Variants in NRXN2 observed in about 807,000 individuals in gnomAD.
NRXN2 encodes neurexin-2-beta.
Under a neutral mutation model 128.8 loss-of-function variants are expected in NRXN2, and 29 were observed. The ratio of observed to expected loss-of-function variants is 0.23; its 90% CI spans 0.17 to 0.31. The LOEUF (loss-of-function observed/expected upper bound fraction) is 0.31. Ranked by LOEUF, NRXN2 falls within the 10% of genes least tolerant of loss-of-function variation. The probability of loss-of-function intolerance (pLI) is 1.00; values close to 1 mark genes in which losing one functional copy is unlikely to be tolerated. For missense variants in NRXN2, 1,881 were observed against 2,452.6 expected (o/e 0.77, Z 4.92); for synonymous variants, 1,098 against 1,075.2 (o/e 1.02, Z -0.41).
At chr11:64,659,465 G>A (rs2048724668) in intron 11 of NRXN2, 1 of 152,332 alleles carries the variant, frequency 6.6e-6, no homozygotes, top group South Asian at 2.1e-4. Flanking sequence ...GGGACCACCA[G>A]GTGAAGTGGA....
At chr11:64,676,360 C>A (rs1565381125) in intron 7 of NRXN2, 1 of 153,152 alleles carries the variant, frequency 6.5e-6, no homozygotes, top group Non-Finnish European at 1.5e-5. Flanking sequence ...CTGCTATGAA[C>A]TGATGATTTG....
chr11:64,623,430 T>G lies in NRXN2; in HGVS notation c.3848-352A>C. 3 of 337,320 alleles carry G rather than the reference T, an allele frequency of 8.9e-6. No homozygotes were observed. The highest frequency in any genetic ancestry group is 6.6e-5 in the East Asian group (1 of 15,098). 20.9% of individuals were successfully genotyped at this position (337,320 alleles called of 1,614,324 possible). The stretch of plus-strand genomic sequence containing the variant: ...AAGGTCATCTCCCCTCTTCATCCTC[T>G]TCCCTCAGTCCATCCCCATCTTCTC... On this transcript the variant is annotated intron_variant, in intron 20 of 22. Transcript: ENST00000265459. The surrounding 1 kb of genome is among the most constrained non-coding windows in gnomAD (Gnocchi z 4.9).
chr11:64,617,867 G>A (rs113546705), intron 22 of NRXN2, among the ~76,000 whole-genome samples: 6 of 152,340 alleles, frequency 3.9e-5, no homozygotes, highest in Middle Eastern at 6.8e-3. Context: ...AAATGTGGAC[G>A]TGTAAGCATG....
At chr11:64,680,723 C>A (rs2052113575) in intron 6 of NRXN2, among the ~76,000 whole-genome samples, 1 of 152,116 alleles carries the variant, frequency 6.6e-6, no homozygotes, top group Non-Finnish European at 1.5e-5. Context: ...ACAGTGCAAT[C>A]TGAGAAACGC....
chr11:64,626,615 G>T, intron 19 of NRXN2, 63 bp from the exon 20 acceptor site: 5 of 1,202,850 alleles, frequency 4.2e-6, no homozygotes, highest in Non-Finnish European at 6.2e-6. Context: ...AGTTAGAAAA[G>T]TAATTATGCA....
At position 64,623,209 on chromosome 11, in the gene NRXN2, A is replaced by G; in HGVS notation, c.3848-131T>C. ...GAGAAAGCCAGTAAGGGAGGAGGGG[A>G]CGGGGAGAAATGAGGAAGGGGCAGA... On this transcript the variant is annotated intron_variant, in intron 20 of 22. Coordinates refer to ENST00000265459, the MANE Select transcript of NRXN2 (RefSeq NM_015080.4). This position sits in a 1 kb window ranked among gnomAD's most constrained non-coding sequence, Gnocchi z 4.9. The G allele has an allele frequency of 7.3e-7, 1 of 1,378,438 alleles. No homozygotes were observed. The highest frequency in any genetic ancestry group is 9.6e-7 in the Non-Finnish European group (1 of 1,039,460). The allele number at this position is 1,378,438 out of a possible 1,614,324, so 85.4% of individuals were successfully genotyped here. A position where few individuals can be genotyped will look rare whatever the true frequency, so the allele number is the denominator to read the frequency against.
Position 64,648,601 on chromosome 11 carries a change from G to T in NRXN2, c.3283+133C>A, listed in dbSNP as rs765146500. 3 of 1,261,784 alleles carry T rather than the reference G, an allele frequency of 2.4e-6. No homozygotes were observed. Among genetic ancestry groups the T allele is most frequent in the Admixed American group, 3.5e-5 (2 of 56,544 alleles). 78.2% of individuals were successfully genotyped at this position (1,261,784 alleles called of 1,614,324 possible). A position where few individuals can be genotyped will look rare whatever the true frequency, so the allele number is the denominator to read the frequency against. On this transcript the variant is annotated intron_variant, in intron 16 of 22. Coordinates refer to ENST00000265459, the MANE Select transcript of NRXN2 (RefSeq NM_015080.4). This position sits in a 1 kb window ranked among gnomAD's most constrained non-coding sequence, Gnocchi z 4.1. ...ACCTGTATCCCTGCCCCAGAACTGTGGGGGCAAGCTCCCATAAGGCCTGAG... is the reference window on the plus strand; with the variant it reads ...ACCTGTATCCCTGCCCCAGAACTGTTGGGGCAAGCTCCCATAAGGCCTGAG...
intron 7 of NRXN2, among the ~76,000 whole-genome samples, chr11:64,669,460 G>A (rs1013760147): frequency 2.6e-5 from 4 of 152,140 alleles, no homozygotes; most frequent in Non-Finnish European, 5.9e-5. Flanking sequence ...GGGAACAGAC[G>A]GGGACAGGGC....
chr11:64,713,696 C>G lies in NRXN2; in HGVS notation c.4G>C (p.Ala2Pro). 1 of 1,116,858 alleles carries G rather than the reference C, an allele frequency of 9.0e-7. No homozygotes were observed. Among genetic ancestry groups the G allele is most frequent in the South Asian group, 4.1e-5 (1 of 24,198 alleles). The allele number at this position is 1,116,858 out of a possible 1,614,324, so 69.2% of individuals were successfully genotyped here. Residue 2 changes from alanine (A) to proline (P), a missense_variant, in exon 2 of 23, where the codon GCG becomes CCG. This residue lies in a region of NRXN2 where 997 missense variants were observed against 1,240.8 expected (regional missense o/e 0.80). Coordinates refer to ENST00000265459, the MANE Select transcript of NRXN2 (RefSeq NM_015080.4). Reference sequence around the variant, plus strand: ...GTCGGCCGCCACCGGCTCCCGGACGCCATGCCTACGGCGGCCCCGGCCCCG... The same window carrying G: ...GTCGGCCGCCACCGGCTCCCGGACGGCATGCCTACGGCGGCCCCGGCCCCG... M[A>P]SGSRWRPTPP...
chr11:64,674,516 C>T (rs1397646639), intron 7 of NRXN2, among the ~76,000 whole-genome samples: 1 of 152,158 alleles, frequency 6.6e-6, no homozygotes, highest in African/African-American at 2.4e-5. Context: ...TTAACCACCT[C>T]AGCCTCAAGT....
Position 64,620,382 on chromosome 11 carries a change from G to A in NRXN2, c.4174-10C>T, listed in dbSNP as rs781754148. 2.1e-5 allele frequency: 32 copies of A among 1,550,242 alleles called. No homozygotes were observed. The highest frequency in any genetic ancestry group is 1.3e-4 in the South Asian group (11 of 84,054). The stretch of plus-strand genomic sequence containing the variant: ...GCAGGTCATCTGTGTTCTGAGGGGC[G>A]AGAGAAGGGGTGGGGAAAGAGAGGT... On this transcript the variant is annotated splice_polypyrimidine_tract_variant and intron_variant, in intron 21 of 22. Transcript: ENST00000265459.
Position 64,650,641 on chromosome 11 carries a change from G to A in NRXN2, c.2919-3C>T. On this transcript the variant is annotated splice_region_variant and splice_polypyrimidine_tract_variant and intron_variant, in intron 14 of 22. Transcript: ENST00000265459. ...GGTCAAACACGTAGTGGATGTACCT[G>A]CCCCACAGTAGGGAGGAGACACTGG... is the stretch of plus-strand genomic sequence containing the variant. 1 of 1,614,066 alleles carries A rather than the reference G, an allele frequency of 6.2e-7. No homozygotes were observed.
intron 12 of NRXN2, among the ~76,000 whole-genome samples, chr11:64,652,715 T>C (rs961932411): frequency 6.6e-6 from 1 of 152,098 alleles, no homozygotes; most frequent in Non-Finnish European, 1.5e-5. Flanking sequence ...CCTTTCTACA[T>C]ACACATGCCT....
intron 22 of NRXN2, 66 bp downstream of exon 22, chr11:64,620,228 C>T: frequency 3.8e-6 from 5 of 1,310,254 alleles, no homozygotes; most frequent in Non-Finnish European, 5.4e-6. Context: ...GTGGCAGGGA[C>T]AGTCGCCCCC....
At position 64,697,846 on chromosome 11, in the gene NRXN2, G is replaced by A. The variant is rs574818517; in HGVS notation, c.731-54C>T. ...GAGGCAGAGAGAGAAGAAAAAGGAG[G>A]GCTGTTAGCAAAGGTACCACGGACA... On this transcript the variant is annotated intron_variant, in intron 2 of 22. Transcript: ENST00000265459. The A allele has an allele frequency of 5.0e-6, 8 of 1,607,892 alleles. No individual in the cohort carries two copies. In the South Asian group the frequency reaches 7.7e-5, roughly 16 times the overall value.
At chr11:64,718,493 C>T (rs1225492540) in intron 1 of NRXN2, among the ~76,000 whole-genome samples, 3 of 152,154 alleles carry the variant, frequency 2.0e-5, no homozygotes, top group Non-Finnish European at 2.9e-5. Flanking sequence ...GGGAGAAGTG[C>T]GTGCTATGGG....
chr11:64,660,589 A>C lies in NRXN2; in HGVS notation c.2186-54T>G. 6.3e-7 allele frequency: 1 copy of C among 1,599,314 alleles called. No individual in the cohort carries two copies. Among genetic ancestry groups the C allele is most frequent in the Admixed American group, 1.7e-5 (1 of 59,882 alleles). ...GGAGAAGACAGGCAGAGGCCAGGGG[A>C]GGGAGAAGACCAGAGAATCATTACA... is the stretch of plus-strand genomic sequence containing the variant. On this transcript the variant is annotated intron_variant, in intron 10 of 22. Transcript: ENST00000265459. The surrounding 1 kb of genome is among the most constrained non-coding windows in gnomAD (Gnocchi z 5.2).
chr11:64,639,894 C>A (rs912908736), intron 17 of NRXN2, among the ~76,000 whole-genome samples: 2 of 152,156 alleles, frequency 1.3e-5, no homozygotes, highest in African/African-American at 4.8e-5. Flanking sequence ...GCCTGGTCCT[C>A]CAGCCAAGTG....
chr11:64,644,446 G>A (rs979910381), intron 17 of NRXN2, among the ~76,000 whole-genome samples: 3 of 152,108 alleles, frequency 2.0e-5, no homozygotes, highest in Admixed American at 6.5e-5. Flanking sequence ...TGCCCACTGA[G>A]TGTCCCATTT....
Sources: allele counts gnomAD v4.1 joint callset (sites outside exome capture counted in the v4.1 genomes callset), GRCh38; gene constraint gnomAD v4.1.1; regional missense constraint gnomAD v4.1.1; non-coding constraint Gnocchi (gnomAD v3.1); transcripts MANE v1.5; gene names NCBI Gene and HGNC (gene_info 2026-07-23, HGNC 2026-07-21).